The following NETO1 variants were observed in gnomAD, a reference collection of about 807,000 sequenced individuals.
NETO1 encodes the protein neuropilin and tolloid-like protein 1.
NETO1 carries 26 observed loss-of-function variants against 61.3 expected under a neutral mutation model. The ratio of observed to expected loss-of-function variants is 0.42; its 90% CI spans 0.31 to 0.59. The LOEUF is 0.59. Among genes scored for constraint, NETO1 ranks in the 20% least tolerant of loss-of-function variants. NETO1 has a pLI of 0.12. For missense variants in NETO1, 531 were observed against 662.8 expected (o/e 0.80, Z 2.18); for synonymous variants, 225 against 225.8 (o/e 1.00, Z 0.03).
At chr18:72,863,160 T>C (rs954209761) in intron 3 of NETO1, among the ~76,000 whole-genome samples, 6 of 152,222 alleles carry the variant, frequency 3.9e-5, no homozygotes, top group East Asian at 1.9e-4. Context: ...ACAGAAGGAA[T>C]ACCAGGTACC....
intron 4 of NETO1, among the ~76,000 whole-genome samples, chr18:72,842,285 A>T (rs1456216549): frequency 1.3e-5 from 2 of 152,174 alleles, no homozygotes; most frequent in Non-Finnish European, 2.9e-5. Flanking sequence ...TGTTGTAAAT[A>T]TTATATATTA....
chr18:72,762,321 C>T (rs12373203), intron 7 of NETO1, among the ~76,000 whole-genome samples: 3 of 151,798 alleles, frequency 2.0e-5, no homozygotes, highest in East Asian at 1.9e-4. Flanking sequence ...CCACCACGCC[C>T]GGCTAAACTG....
chr18:72,789,721 G>A (rs2072049965), intron 6 of NETO1, among the ~76,000 whole-genome samples: 3 of 152,126 alleles, frequency 2.0e-5, no homozygotes. Context: ...GTATTTTCTT[G>A]AGGACTGCTT....
chr18:72,850,402 G>A (rs2074213758), intron 4 of NETO1, among the ~76,000 whole-genome samples: 1 of 152,096 alleles, frequency 6.6e-6, no homozygotes, highest in South Asian at 2.1e-4. Flanking sequence ...AATATAATAG[G>A]AAAAATGTTT....
intron 4 of NETO1, among the ~76,000 whole-genome samples, chr18:72,798,917 AAACC>A (rs1366797595): frequency 1.3e-5 from 2 of 152,224 alleles, no homozygotes; most frequent in African/African-American, 2.4e-5. Context: ...GGAAGTCATG[AAACC>A]AACAAAACTG....
chr18:72,760,092 C>T (rs1214352740), intron 7 of NETO1, among the ~76,000 whole-genome samples: 1 of 152,188 alleles, frequency 6.6e-6, no homozygotes, highest in Non-Finnish European at 1.5e-5. Flanking sequence ...CTCCAACTAA[C>T]TTGATTTCAC....
chr18:72,796,261 G>A (rs760091018), intron 4 of NETO1, among the ~76,000 whole-genome samples: 1 of 152,136 alleles, frequency 6.6e-6, no homozygotes, highest in Non-Finnish European at 1.5e-5. Flanking sequence ...CTGATTGTTA[G>A]TTTAGTTATC....
intron 4 of NETO1, chr18:72,834,884 G>A (rs1025729334): frequency 2.4e-5 from 21 of 858,284 alleles, no homozygotes; most frequent in South Asian, 1.1e-4. Flanking sequence ...ATAAATTATC[G>A]AAAAAGATTA....
At chr18:72,768,836 C>A (rs1162858951) in intron 7 of NETO1, among the ~76,000 whole-genome samples, 1 of 152,190 alleles carries the variant, frequency 6.6e-6, no homozygotes, top group Non-Finnish European at 1.5e-5. Context: ...ACCCTGGTCT[C>A]AGCCCAGTAA....
rs567599456 is a variant in NETO1, at chr18:72,835,633, G to A, written c.469+23193C>T. Among the ~76,000 whole-genome samples the A allele has an allele frequency of 2.0e-4, 31 of 152,300 alleles. No individual in the cohort carries two copies. In the South Asian group the frequency reaches 3.3e-3, roughly 16 times the overall value. On this transcript the variant is annotated intron_variant, in intron 4 of 10. Transcript: ENST00000327305. ...CTACGGTTTATTGTTTGGTGAGCCCGAAGTTGGCAGAACCATTACTCCAAA... is the reference window on the plus strand; with the variant it reads ...CTACGGTTTATTGTTTGGTGAGCCCAAAGTTGGCAGAACCATTACTCCAAA...
intron 7 of NETO1, among the ~76,000 whole-genome samples, chr18:72,761,960 T>C (rs1238967164): frequency 6.6e-6 from 1 of 152,168 alleles, no homozygotes; most frequent in Non-Finnish European, 1.5e-5. Context: ...AGTCATGAGG[T>C]AAAATATGCC....
intron 4 of NETO1, among the ~76,000 whole-genome samples, chr18:72,856,206 G>T (rs924585104): frequency 6.6e-6 from 1 of 151,812 alleles, no homozygotes; most frequent in Admixed American, 6.6e-5. Flanking sequence ...AAATAATAGG[G>T]ACCACCAGGC....
At chr18:72,806,112 A>G (rs1219693735) in intron 4 of NETO1, among the ~76,000 whole-genome samples, 1 of 152,064 alleles carries the variant, frequency 6.6e-6, no homozygotes, top group African/African-American at 2.4e-5. Context: ...CGTCCTTTTC[A>G]CCCTGAAGCC....
intron 6 of NETO1, among the ~76,000 whole-genome samples, chr18:72,787,098 T>C (rs765739118): frequency 1.3e-5 from 2 of 148,536 alleles, no homozygotes; most frequent in African/African-American, 2.5e-5. Context: ...CTTTTTTGAC[T>C]AAAAGTAAAC....
At chr18:72,798,483 A>G (rs567125070) in intron 4 of NETO1, among the ~76,000 whole-genome samples, 1 of 152,322 alleles carries the variant, frequency 6.6e-6, no homozygotes, top group South Asian at 2.1e-4. Context: ...CACAAGCGGC[A>G]TCTGGTGACA....
chr18:72,844,230 T>G (rs901827935), intron 4 of NETO1, among the ~76,000 whole-genome samples: 2 of 152,238 alleles, frequency 1.3e-5, no homozygotes, highest in Admixed American at 6.5e-5. Flanking sequence ...CAAATTTTAT[T>G]GATACCAAGT....
intron 7 of NETO1, among the ~76,000 whole-genome samples, chr18:72,764,595 G>C (rs144276941): frequency 2.1e-4 from 32 of 151,966 alleles, no homozygotes; most frequent in Non-Finnish European, 4.6e-4. Context: ...CTAACGAGGG[G>C]GCTTACATCC....
At chr18:72,751,611 A>C (rs1436258607) in intron 8 of NETO1, among the ~76,000 whole-genome samples, 1 of 152,106 alleles carries the variant, frequency 6.6e-6, no homozygotes, top group African/African-American at 2.4e-5. Context: ...GGAGCTCAAC[A>C]CCAGGTGTCT....
chr18:72,781,155 T>G (rs2071722146), intron 7 of NETO1, among the ~76,000 whole-genome samples: 1 of 152,316 alleles, frequency 6.6e-6, no homozygotes, highest in South Asian at 2.1e-4. Flanking sequence ...TGGTATACTT[T>G]TGATTAAAAA....
Sources: gnomAD v4.1 joint callset for allele counts (sites outside exome capture counted in the v4.1 genomes callset) on GRCh38, gnomAD v4.1.1 for gene constraint, MANE v1.5 for transcripts, NCBI Gene and HGNC (gene_info 2026-07-23, HGNC 2026-07-21) for gene names.